Variants in CRB1 observed in about 807,000 individuals in gnomAD.
The protein encoded by CRB1 is protein crumbs homolog 1.
Under a neutral mutation model 120.0 loss-of-function variants are expected in CRB1, and 83 were observed. That is an observed-to-expected ratio of 0.69 (90% CI 0.58 to 0.83). CRB1 has a LOEUF of 0.83. Among genes scored for constraint, CRB1 ranks in the 40% least tolerant of loss-of-function variants. CRB1 has a pLI of 0.00. For synonymous variants in CRB1, 625 were observed against 612.5 expected (o/e 1.02, Z -0.30); for missense variants, 1,699 against 1,687.6 (o/e 1.01, Z -0.12).
chr1:197,351,631 A>G (rs1420018897), intron 4 of CRB1, among the ~76,000 whole-genome samples: 1 of 152,160 alleles, frequency 6.6e-6, no homozygotes, highest in Non-Finnish European at 1.5e-5. Flanking sequence ...AGAAAATAAC[A>G]CTAAAGGCAG....
rs1428685023 is a variant in CRB1, at chr1:197,328,713, A to T, written c.362A>T (p.His121Leu). The T allele has an allele frequency of 6.2e-7, 1 of 1,612,738 alleles. No homozygotes were observed. The highest frequency in any genetic ancestry group is 8.5e-7 in the Non-Finnish European group (1 of 1,178,924). The part of the protein sequence containing the change: ...IGSCGKNSCQ[H>L]GGICHQDPIY... ...TCCTGTGGCAAGAACTCCTGCCAAC[A>T]TGGAGGTATTTGCCATCAGGACCCT... Residue 121 changes from histidine to leucine, a missense_variant, in exon 2 of 12, where the codon CAT becomes CTT. His to Leu is a moderately conservative substitution (Grantham distance 99). Transcript: ENST00000367400.
At chr1:197,218,061 T>A in the CRB1 span, among the ~76,000 whole-genome samples, 1 of 152,206 alleles carries the variant, frequency 6.6e-6, no homozygotes, top group African/African-American at 2.4e-5. Flanking sequence ...TCTTCTATTA[T>A]AAACATGCAT....
chr1:197,369,245 A>T (rs1661241038), intron 5 of CRB1, among the ~76,000 whole-genome samples: 1 of 152,126 alleles, frequency 6.6e-6, no homozygotes. Context: ...TGACCTAATA[A>T]ATGATTAATT....
At position 197,453,810 on chromosome 1, in the gene CRB1, TATTGTTA is replaced by T. The variant is rs1422802991; in HGVS notation, c.4005+11522_4005+11528del. 1.7e-3 allele frequency among the ~76,000 whole-genome samples: 245 copies of T among 143,138 alleles called. 1 individual carries two copies. Among genetic ancestry groups the T allele is most frequent in the Middle Eastern group, 7.3e-3 (2 of 274 alleles). The allele number at this position is 143,138 out of a possible 152,430, so 93.9% of individuals were successfully genotyped here. A position where few individuals can be genotyped will look rare whatever the true frequency, so the allele number is the denominator to read the frequency against. On this transcript the variant is annotated intron_variant, in intron 11 of 11. Transcript: ENST00000367400. ...TATTATTAATATATTAATAATAATA[TATTGTTA>T]ATTATTAATTATTAATATATTATCA...
intron 7 of CRB1, among the ~76,000 whole-genome samples, chr1:197,428,301 T>TA (rs1571541692): frequency 7.2e-5 from 11 of 152,336 alleles, no homozygotes; most frequent in Admixed American, 5.2e-4. Context: ...TTTCAATTCC[T>TA]AAACTCCTAA....
chr1:197,206,008 A>AT, the CRB1 span, among the ~76,000 whole-genome samples: 2 of 150,944 alleles, frequency 1.3e-5, no homozygotes, highest in Non-Finnish European at 2.9e-5. Flanking sequence ...CCAGGTATTT[A>AT]TCCATCTCCT....
chr1:197,380,000 A>G (rs1317272881), intron 5 of CRB1, among the ~76,000 whole-genome samples: 2 of 152,204 alleles, frequency 1.3e-5, no homozygotes, highest in Non-Finnish European at 2.9e-5. Context: ...CATATTCTTT[A>G]ATACATGACC....
At chr1:197,232,033 G>C in the CRB1 span, among the ~76,000 whole-genome samples, 1 of 152,132 alleles carries the variant, frequency 6.6e-6, no homozygotes, top group Non-Finnish European at 1.5e-5. Context: ...TAATTACAGG[G>C]GCTCCTTATA....
chr1:197,422,053 A>G (rs1664362897), intron 6 of CRB1, 97 bp downstream of exon 6: 4 of 1,132,578 alleles, frequency 3.5e-6, no homozygotes, highest in South Asian at 2.6e-5. Context: ...GCTATGAAAC[A>G]TAATGACCCC....
chr1:197,459,868 ATT>A (rs1360046818), intron 11 of CRB1, among the ~76,000 whole-genome samples: 2 of 152,154 alleles, frequency 1.3e-5, no homozygotes, highest in South Asian at 4.1e-4. Flanking sequence ...TCCTGAGCAG[ATT>A]TTTTTGGGAG....
chr1:197,354,409 AGT>A (rs1660308989), intron 4 of CRB1, among the ~76,000 whole-genome samples: 1 of 152,156 alleles, frequency 6.6e-6, no homozygotes, highest in Non-Finnish European at 1.5e-5. Context: ...CCTCGCAGTG[AGT>A]GTTACAGTTC....
the CRB1 span, among the ~76,000 whole-genome samples, chr1:197,258,430 T>C: frequency 6.6e-6 from 1 of 152,202 alleles, no homozygotes; most frequent in Admixed American, 6.6e-5. Flanking sequence ...TAATGTTCAA[T>C]TCACTCATAA....
At chr1:197,248,850 C>T in the CRB1 span, among the ~76,000 whole-genome samples, 5 of 151,896 alleles carry the variant, frequency 3.3e-5, no homozygotes, top group Non-Finnish European at 5.9e-5. Context: ...TGATGAAAGG[C>T]CACAGAAGGA....
At chr1:197,326,464 C>A (rs1658495498) in intron 1 of CRB1, among the ~76,000 whole-genome samples, 1 of 151,914 alleles carries the variant, frequency 6.6e-6, no homozygotes. Flanking sequence ...ACCCCCATCT[C>A]TACTAAAATA....
intron 8 of CRB1, among the ~76,000 whole-genome samples, chr1:197,434,202 C>G (rs1316697324): frequency 1.3e-5 from 2 of 152,114 alleles, no homozygotes; most frequent in Non-Finnish European, 2.9e-5. Flanking sequence ...CTACTTTTAA[C>G]TGCCTACTCA....
intron 11 of CRB1, among the ~76,000 whole-genome samples, chr1:197,472,508 CA>C (rs1404007695): frequency 2.6e-5 from 4 of 152,082 alleles, no homozygotes. Flanking sequence ...TTACATTTTC[CA>C]AAAAATCCTG....
At chr1:197,259,728 C>T in the CRB1 span, among the ~76,000 whole-genome samples, 36 of 152,018 alleles carry the variant, frequency 2.4e-4, no homozygotes, top group South Asian at 3.1e-3. Flanking sequence ...ATAAATTATC[C>T]CCTCATTAAC....
chr1:197,303,564 A>G (rs1657000601), intron 1 of CRB1, among the ~76,000 whole-genome samples: 1 of 152,020 alleles, frequency 6.6e-6, no homozygotes, highest in South Asian at 2.1e-4. Context: ...TACTCTCCCC[A>G]ACAAGTCTAT....
intron 11 of CRB1, among the ~76,000 whole-genome samples, chr1:197,474,395 G>C (rs1320034922): frequency 6.6e-6 from 1 of 152,214 alleles, no homozygotes; most frequent in East Asian, 1.9e-4. Flanking sequence ...ACTGGCAGAG[G>C]TGGGGCTGGA....
Sources: allele counts gnomAD v4.1 joint callset (sites outside exome capture counted in the v4.1 genomes callset), GRCh38; gene constraint gnomAD v4.1.1; transcripts MANE v1.5; gene names NCBI Gene and HGNC (gene_info 2026-07-23, HGNC 2026-07-21).